Variants in SPEN observed in about 807,000 individuals in gnomAD.
The protein encoded by SPEN is msx2-interacting protein.
SPEN carries 18 observed loss-of-function variants against 269.9 expected under a neutral mutation model. That is an observed-to-expected ratio of 0.07 (90% confidence interval 0.05 to 0.10). SPEN has a LOEUF of 0.10. Ranked by LOEUF, SPEN falls within the 10% of genes least tolerant of loss-of-function variation. The pLI is 1.00. For synonymous variants in SPEN, 1,726 were observed against 1,765.7 expected (o/e 0.98, Z 0.56); for missense variants, 3,822 against 4,631.2 (o/e 0.83, Z 5.07).
At chr1:15,894,536 G>GTTTTTTTTTTTTTTT (rs766111268) in intron 3 of SPEN, among the ~76,000 whole-genome samples, 2 of 100,382 alleles carry the variant, frequency 2.0e-5, no homozygotes, top group African/African-American at 8.4e-5. Flanking sequence ...TATTATGGTT[G>GTTTTTTTTTTTTTTT]TTTTTTTTTT....
At chr1:15,866,454 C>T (rs1046008775) in intron 1 of SPEN, among the ~76,000 whole-genome samples, 6 of 151,998 alleles carry the variant, frequency 3.9e-5, no homozygotes, top group Non-Finnish European at 5.9e-5. Flanking sequence ...CCCGGGTTCA[C>T]GCCATTCTCC....
At chr1:15,858,659 G>A (rs2070410650) in intron 1 of SPEN, among the ~76,000 whole-genome samples, 1 of 152,210 alleles carries the variant, frequency 6.6e-6, no homozygotes, top group African/African-American at 2.4e-5. Flanking sequence ...AGCTTGGCCA[G>A]GTGCAGTGGC....
intron 3 of SPEN, among the ~76,000 whole-genome samples, chr1:15,886,263 G>C (rs1476820309): frequency 1.3e-5 from 2 of 152,194 alleles, no homozygotes; most frequent in African/African-American, 2.4e-5. Flanking sequence ...CTCGACTGCA[G>C]AGGAATGAGA....
intron 1 of SPEN, among the ~76,000 whole-genome samples, chr1:15,852,029 G>A (rs1357669612): frequency 6.6e-6 from 1 of 152,154 alleles, no homozygotes; most frequent in Non-Finnish European, 1.5e-5. Context: ...ATTTGTTTTT[G>A]CTGATTTAAA....
rs766111268 is a variant in SPEN at position 15,894,536 on chromosome 1, G to GTTTTT, written c.882-14766_882-14762dup. On this transcript the variant is annotated intron_variant, in intron 3 of 14. Coordinates refer to ENST00000375759, the MANE Select transcript of SPEN (RefSeq NM_015001.3). ...ATCCTAAAACTACCATATTATGGTT[G>GTTTTT]TTTTTTTTTTTTTTTTTTTTTTTGA... 1.5e-3 allele frequency among the ~76,000 whole-genome samples: 151 copies of GTTTTT among 100,386 alleles called. 1 individual carries two copies. Among genetic ancestry groups the GTTTTT allele is most frequent in the African/African-American group, 3.0e-3 (71 of 23,954 alleles). The allele number at this position is 100,386 out of a possible 152,430, so 65.9% of individuals were successfully genotyped here.
Position 15,848,291 on chromosome 1 carries a change from C to A in SPEN, c.83+141C>A. ...CACGGGCGCTGTGGGACCTCGTCAGCCGCTCGGCCCGCGTCGCGGCGTTGG... is the reference window on the plus strand; with the variant it reads ...CACGGGCGCTGTGGGACCTCGTCAGACGCTCGGCCCGCGTCGCGGCGTTGG... On this transcript the variant is annotated intron_variant, in intron 1 of 14. Transcript: ENST00000375759. The surrounding 1 kb of genome is among the most constrained non-coding windows in gnomAD (Gnocchi z 5.1). 2.3e-6 allele frequency: 1 copy of A among 439,278 alleles called. No homozygotes were observed. The highest frequency in any genetic ancestry group is 3.7e-6 in the Non-Finnish European group (1 of 267,642). The allele number at this position is 439,278 out of a possible 1,614,324, so 27.2% of individuals were successfully genotyped here.
In SPEN at chr1:15,940,000, G is replaced by A. The variant is rs925514885; in HGVS notation, c.*573G>A. 11 of 230,720 alleles carry A rather than the reference G, an allele frequency of 4.8e-5. No homozygotes were observed. The highest frequency in any genetic ancestry group is 3.7e-4 in the South Asian group (2 of 5,470). The allele number at this position is 230,720 out of a possible 1,614,324, so 14.3% of individuals were successfully genotyped here. On this transcript the variant is annotated 3_prime_UTR_variant, in exon 15 of 15. Coordinates refer to ENST00000375759, the MANE Select transcript of SPEN (RefSeq NM_015001.3). This position sits in a 1 kb window ranked among gnomAD's most constrained non-coding sequence, Gnocchi z 4.1. ...TCACCTTAATTCTCCTGCTGCCACC[G>A]TCTTTGATTCACCGGGATGTACAGT...
At chr1:15,922,007 C>T (rs1409530787) in intron 9 of SPEN, among the ~76,000 whole-genome samples, 1 of 152,098 alleles carries the variant, frequency 6.6e-6, no homozygotes, top group African/African-American at 2.4e-5. Context: ...TTGCTTTTTT[C>T]ACTCCTTCAC....
intron 1 of SPEN, among the ~76,000 whole-genome samples, chr1:15,859,170 G>GCA (rs1365167687): frequency 1.4e-5 from 2 of 143,912 alleles, no homozygotes; most frequent in Non-Finnish European, 3.0e-5. Flanking sequence ...TAAGAGATGG[G>GCA]GTCTGACTAT....
chr1:15,899,800 T>G (rs2148723404), intron 3 of SPEN, among the ~76,000 whole-genome samples: 1 of 152,148 alleles, frequency 6.6e-6, no homozygotes, highest in South Asian at 2.1e-4. Flanking sequence ...CTTTTTGTTG[T>G]TGAGTTGTAG....
Position 15,909,420 on chromosome 1 carries a change from A to G in SPEN, c.981A>G (p.Glu327=). 6.2e-7 allele frequency: 1 copy of G among 1,614,186 alleles called. No individual in the cohort carries two copies. The highest frequency in any genetic ancestry group is 2.2e-5 in the East Asian group (1 of 44,884). The change falls in exon 4 of 15, where the codon GAA becomes GAG. Residue 327 remains glutamate, a synonymous_variant. Transcript: ENST00000375759. ...CTTCCCAGTTGCTTTCATCTCTGGA[A>G]AAAGATGAGCCCCGTAAAAGTTTTG... ...APTSQLLSSL[E]KDEPRKSFGI...
At position 15,935,831 on chromosome 1, in the gene SPEN, C is replaced by T; in HGVS notation, c.9591C>T (p.Ile3197=). 6.2e-7 allele frequency: 1 copy of T among 1,613,872 alleles called. No homozygotes were observed. Among genetic ancestry groups the T allele is most frequent in the South Asian group, 1.1e-5 (1 of 91,088 alleles). The stretch of plus-strand genomic sequence containing the variant: ...ATACTGTGCCACGGGATGTGAGGAT[C>T]ATGGTGCATCCACATGTGACGGCAG... ...HPYTVPRDVR[I]MVHPHVTAVS... is the part of the protein sequence containing the mutation. The change falls in exon 11 of 15, where the codon ATC becomes ATT. Residue 3197 remains isoleucine, a synonymous_variant. Coordinates refer to ENST00000375759, the MANE Select transcript of SPEN (RefSeq NM_015001.3). This position sits in a 1 kb window ranked among gnomAD's most constrained non-coding sequence, Gnocchi z 7.7.
At chr1:15,866,988 G>A (rs1254217692) in intron 1 of SPEN, among the ~76,000 whole-genome samples, 1 of 152,126 alleles carries the variant, frequency 6.6e-6, no homozygotes, top group African/African-American at 2.4e-5. Context: ...GTTTTATTAA[G>A]CTGTAACTCA....
At chr1:15,872,714 G>A (rs1020325002) in intron 1 of SPEN, 102 bp from the exon 2 acceptor site, 16 of 777,308 alleles carry the variant, frequency 2.1e-5, no homozygotes, top group East Asian at 5.4e-5. Context: ...TTTGCAGGTC[G>A]TCCCTCCTAC....
At chr1:15,902,327 T>C (rs1205561637) in intron 3 of SPEN, among the ~76,000 whole-genome samples, 1 of 152,142 alleles carries the variant, frequency 6.6e-6, no homozygotes, top group Non-Finnish European at 1.5e-5. Context: ...GTGAAGTATA[T>C]GAAGAAAATT....
Position 15,933,670 on chromosome 1 carries a change from C to T in SPEN, c.7430C>T (p.Ala2477Val), listed in dbSNP as rs751562088. ...IPIPTLPSVTAAKLSPPVASG... is the reference protein window; with the variant it reads ...IPIPTLPSVTVAKLSPPVASG... ...ATACCCACACTGCCTTCTGTAACTG[C>T]AGCAAAGCTCTCACCTCCTGTCGCC... Residue 2477 changes from alanine (A) to valine (V), a missense_variant, in exon 11 of 15, where the codon GCA becomes GTA. Around this residue, in one of 16 missense-constraint regions of SPEN, gnomAD observed 727 missense variants for 737.9 expected, o/e 0.99. Transcript: ENST00000375759. The surrounding 1 kb of genome is among the most constrained non-coding windows in gnomAD (Gnocchi z 5.7). The T allele has an allele frequency of 6.8e-6, 11 of 1,614,012 alleles. No individual in the cohort carries two copies. The highest frequency in any genetic ancestry group is 1.3e-5 in the African/African-American group (1 of 74,908).
rs2071238932 is a variant in SPEN, at chr1:15,933,146, A to G, written c.6906A>G (p.Arg2302=). The G allele has an allele frequency of 6.2e-7, 1 of 1,614,018 alleles. No individual in the cohort carries two copies. The highest frequency in any genetic ancestry group is 1.3e-5 in the African/African-American group (1 of 74,928). Residue 2302 remains arginine (R), a synonymous_variant, in exon 11 of 15, where the codon AGA becomes AGG. Coordinates refer to ENST00000375759, the MANE Select transcript of SPEN (RefSeq NM_015001.3). The surrounding 1 kb of genome is among the most constrained non-coding windows in gnomAD (Gnocchi z 5.7). ...SAGPTDTKEA[R]GNSSETSHSV... ...GCCCAACAGATACCAAGGAAGCCAG[A>G]GGAAATAGCAGTGAAACCTCACACT...
chr1:15,877,306 T>G (rs1243293509), intron 3 of SPEN, among the ~76,000 whole-genome samples: 1 of 152,220 alleles, frequency 6.6e-6, no homozygotes, highest in Non-Finnish European at 1.5e-5. Flanking sequence ...TCTCACTGTG[T>G]CACCAAGGCT....
rs750723350 is a variant in SPEN at position 15,929,135 on chromosome 1, G to A, written c.2895G>A (p.Lys965=). 12 of 1,614,086 alleles carry A rather than the reference G, an allele frequency of 7.4e-6. No homozygotes were observed. The highest frequency in any genetic ancestry group is 1.3e-5 in the African/African-American group (1 of 74,930). The part of the protein sequence containing the change: ...EGRLKARKHL[K]PEQPADGVSA... ...GGCTTAAAGCCAGGAAGCACCTCAA[G>A]CCTGAGCAGCCTGCAGATGGGGTAA... is the stretch of plus-strand genomic sequence containing the variant. The change falls in exon 11 of 15, where the codon AAG becomes AAA. Residue 965 remains lysine (K), a synonymous_variant. Coordinates refer to ENST00000375759, the MANE Select transcript of SPEN (RefSeq NM_015001.3). This position sits in a 1 kb window ranked among gnomAD's most constrained non-coding sequence, Gnocchi z 5.8.
Sources: gnomAD v4.1 joint callset for allele counts (sites outside exome capture counted in the v4.1 genomes callset) on GRCh38, gnomAD v4.1.1 for gene constraint, gnomAD v4.1.1 regional missense constraint, Gnocchi (gnomAD v3.1) non-coding constraint, MANE v1.5 for transcripts, NCBI Gene and HGNC (gene_info 2026-07-23, HGNC 2026-07-21) for gene names.